LMNTD1: variants seen among roughly 807,000 people sequenced by gnomAD.
LMNTD1 encodes the protein lamin tail domain containing 1, also known as lamin tail domain-containing protein 1.
A neutral mutation model predicts 50.9 loss-of-function variants in LMNTD1; 35 were observed. The observed-to-expected ratio is 0.69, with a 90% confidence interval of 0.53 to 0.91. The LOEUF (loss-of-function observed/expected upper bound fraction) is 0.91. Among genes scored for constraint, LMNTD1 ranks in the 40% least tolerant of loss-of-function variants. LMNTD1 has a pLI of 0.00. For missense variants in LMNTD1, 470 were observed against 475.5 expected (o/e 0.99, Z 0.11); for synonymous variants, 153 against 161.9 (o/e 0.94, Z 0.42).
intron 1 of LMNTD1, among the ~76,000 whole-genome samples, chr12:25,574,961 C>T (rs1256761795): frequency 6.6e-6 from 1 of 152,108 alleles, no homozygotes; most frequent in Non-Finnish European, 1.5e-5. Context: ...AGGGTGATTA[C>T]CTGGCTCTTT....
chr12:25,551,052 C>A (rs1943716162), intron 2 of LMNTD1, among the ~76,000 whole-genome samples: 1 of 152,162 alleles, frequency 6.6e-6, no homozygotes, highest in Non-Finnish European at 1.5e-5. Flanking sequence ...GGTAAACTGT[C>A]AGATTACAGA....
At chr12:25,587,798 G>A (rs1215325171) in intron 1 of LMNTD1, among the ~76,000 whole-genome samples, 2 of 152,116 alleles carry the variant, frequency 1.3e-5, no homozygotes, top group Non-Finnish European at 2.9e-5. Flanking sequence ...CTCAATAATT[G>A]TTTGTTGAAC....
At chr12:25,592,160 T>C (rs956050674) in intron 1 of LMNTD1, among the ~76,000 whole-genome samples, 3 of 152,152 alleles carry the variant, frequency 2.0e-5, no homozygotes, top group South Asian at 4.2e-4. Flanking sequence ...TCTACAAGGA[T>C]CAACATCATG....
At chr12:25,626,324 A>G (rs1444099957) in intron 1 of LMNTD1, among the ~76,000 whole-genome samples, 1 of 140,692 alleles carries the variant, frequency 7.1e-6, no homozygotes, top group Non-Finnish European at 1.6e-5. Flanking sequence ...ATTTTGTTGT[A>G]TGTGTGTATA....
chr12:25,621,128 T>A (rs761421458), intron 1 of LMNTD1, among the ~76,000 whole-genome samples: 6 of 152,234 alleles, frequency 3.9e-5, no homozygotes, highest in Non-Finnish European at 8.8e-5. Flanking sequence ...CACTGGAGTA[T>A]TCCAAGGGCC....
At chr12:25,485,031 G>T (rs1938577822) in intron 9 of LMNTD1, among the ~76,000 whole-genome samples, 1 of 152,060 alleles carries the variant, frequency 6.6e-6, no homozygotes, top group South Asian at 2.1e-4. Flanking sequence ...GTAATGGGAT[G>T]CCTGGGTCAA....
At chr12:25,522,287 T>C (rs1277014470) in intron 6 of LMNTD1, among the ~76,000 whole-genome samples, 1 of 152,190 alleles carries the variant, frequency 6.6e-6, no homozygotes, top group African/African-American at 2.4e-5. Context: ...TCATGATCTT[T>C]TTAGTGTGAT....
At chr12:25,504,252 T>G (rs571415953) in intron 8 of LMNTD1, among the ~76,000 whole-genome samples, 1 of 152,280 alleles carries the variant, frequency 6.6e-6, no homozygotes, top group African/African-American at 2.4e-5. Flanking sequence ...GGTCCAGCAA[T>G]TGGCTGCATC....
intron 1 of LMNTD1, among the ~76,000 whole-genome samples, chr12:25,646,963 G>A (rs1158792132): frequency 6.6e-6 from 1 of 152,154 alleles, no homozygotes; most frequent in Admixed American, 6.6e-5. Context: ...CCTTGTTTAA[G>A]ACCCATCAAC....
At chr12:25,494,777 A>G (rs1264274575) in intron 9 of LMNTD1, among the ~76,000 whole-genome samples, 6 of 152,180 alleles carry the variant, frequency 3.9e-5, no homozygotes, top group African/African-American at 7.2e-5. Context: ...TGAAATGATT[A>G]ATTATATATT....
intron 9 of LMNTD1, among the ~76,000 whole-genome samples, chr12:25,494,864 A>T (rs1458214897): frequency 2.6e-5 from 4 of 152,284 alleles, no homozygotes; most frequent in South Asian, 4.1e-4. Flanking sequence ...AACATATAAG[A>T]TCTACTCTTT....
At position 25,526,970 on chromosome 12, in the gene LMNTD1, A is replaced by C; in HGVS notation, c.492-15T>G. On this transcript the variant is annotated splice_polypyrimidine_tract_variant and intron_variant, in intron 4 of 9. Coordinates refer to ENST00000458174, the MANE Select transcript of LMNTD1 (RefSeq NM_001145728.2). ...CTCCAAGAGAACTAGAAAATAAAAC[A>C]CAAAGATTGTAAGCTGCCTTCAGAT... The C allele has an allele frequency of 6.4e-7, 1 of 1,574,216 alleles. No homozygotes were observed. Among genetic ancestry groups the C allele is most frequent in the Non-Finnish European group, 8.6e-7 (1 of 1,156,070 alleles).
rs74235546 is a variant in LMNTD1, at chr12:25,567,975, T to C, written c.59-21421A>G. Among the ~76,000 whole-genome samples the C allele has an allele frequency of 5.2e-3, 793 of 152,256 alleles. 21 individuals carry two copies. In the South Asian group the frequency reaches 0.057, roughly 11 times the overall value. On this transcript the variant is annotated intron_variant, in intron 1 of 7. Coordinates refer to the LMNTD1 transcript ENST00000445693. ...ACGTAGAAGCAACTGTGGAACTGGG[T>C]AACGGGCAGAGGTTAGAGGGGTTTG...
intron 1 of LMNTD1, among the ~76,000 whole-genome samples, chr12:25,620,251 T>C (rs1460518209): frequency 6.6e-6 from 1 of 152,152 alleles, no homozygotes; most frequent in Non-Finnish European, 1.5e-5. Flanking sequence ...AAAGGGCATT[T>C]CAACAAAAAA....
chr12:25,522,639 A>G (rs1369684654), intron 6 of LMNTD1, among the ~76,000 whole-genome samples: 4 of 152,218 alleles, frequency 2.6e-5, no homozygotes, highest in African/African-American at 9.6e-5. Flanking sequence ...CCCTTCAATG[A>G]GTTCCTATTG....
At position 25,549,423 on chromosome 12, in the gene LMNTD1, CA is replaced by C. The variant is rs1943627016; in HGVS notation, c.212del (p.Leu71ArgfsTer9). 1.2e-6 allele frequency: 2 copies of C among 1,612,876 alleles called. No homozygotes were observed. Among genetic ancestry groups the C allele is most frequent in the Middle Eastern group, 3.3e-4 (2 of 6,056 alleles). On this transcript the variant is annotated frameshift_variant, in exon 3 of 10. Transcript: ENST00000458174. LOFTEE classifies it high-confidence loss of function. ...TTACTCTACTAATCTGAGGACTAGACAGATAGTAACCAAGAGGCATTCCACT... is the reference window on the plus strand; with the variant it reads ...TTACTCTACTAATCTGAGGACTAGACGATAGTAACCAAGAGGCATTCCACT... ...NSSGMPLGYY[L>X]SSPQISRVTI... is the part of the protein sequence containing the mutation.
At chr12:25,590,133 T>C (rs576983487) in intron 1 of LMNTD1, among the ~76,000 whole-genome samples, 4 of 142,952 alleles carry the variant, frequency 2.8e-5, no homozygotes, top group Admixed American at 7.0e-5. Flanking sequence ...TAACTTCATA[T>C]TGCCAAAAGA....
At chr12:25,562,236 G>A (rs900868808) in intron 1 of LMNTD1, among the ~76,000 whole-genome samples, 1 of 152,150 alleles carries the variant, frequency 6.6e-6, no homozygotes, top group Non-Finnish European at 1.5e-5. Flanking sequence ...AGCATTGATG[G>A]TCTTTACAAT....
intron 1 of LMNTD1, among the ~76,000 whole-genome samples, chr12:25,603,701 G>A (rs1485999371): frequency 6.6e-6 from 1 of 152,004 alleles, no homozygotes; most frequent in Non-Finnish European, 1.5e-5. Context: ...TAGTATGTAA[G>A]ACAATAAATA....
Sources: gnomAD v4.1 joint callset for allele counts (sites outside exome capture counted in the v4.1 genomes callset) on GRCh38, gnomAD v4.1.1 for gene constraint, MANE v1.5 for transcripts, NCBI Gene and HGNC (gene_info 2026-07-23, HGNC 2026-07-21) for gene names.